THSD4: variants seen among roughly 807,000 people sequenced by gnomAD.
THSD4 encodes thrombospondin type-1 domain-containing protein 4.
A neutral mutation model predicts 119.0 loss-of-function variants in THSD4; 69 were observed. The observed-to-expected ratio is 0.58, with a 90% CI of 0.48 to 0.71. The LOEUF (loss-of-function observed/expected upper bound fraction) is 0.71. THSD4 is among the 30% of genes least tolerant of loss of function. The probability of loss-of-function intolerance (pLI) is 0.00; values close to 1 mark genes in which losing one functional copy is unlikely to be tolerated. For synonymous variants in THSD4, 524 were observed against 540.4 expected, an observed-to-expected ratio of 0.97 and a Z score of 0.42; for missense variants, 1,393 against 1,391.1, an observed-to-expected ratio of 1.00 and a Z score of -0.02.
chr15:71,190,881 G>A (rs1455078776), intron 3 of THSD4, among the ~76,000 whole-genome samples: 4 of 152,040 alleles, frequency 2.6e-5, no homozygotes, highest in African/African-American at 9.7e-5. Context: ...CCAACTCTCA[G>A]CCCCATGGTT....
At chr15:71,542,731 G>A (rs1413245512) in intron 7 of THSD4, among the ~76,000 whole-genome samples, 1 of 152,018 alleles carries the variant, frequency 6.6e-6, no homozygotes, top group African/African-American at 2.4e-5. Flanking sequence ...CAAAAGATTA[G>A]CTGGGTATGG....
chr15:71,374,762 G>A (rs1051598434), intron 6 of THSD4, among the ~76,000 whole-genome samples: 1 of 152,198 alleles, frequency 6.6e-6, no homozygotes. Flanking sequence ...CCCAATCTCT[G>A]TTTATAAATG....
In THSD4 at chr15:71,758,049, G is replaced by A; in HGVS notation, c.2563G>A (p.Glu855Lys). 6.3e-7 allele frequency: 1 copy of A among 1,597,666 alleles called. No homozygotes were observed. Among genetic ancestry groups the A allele is most frequent in the Non-Finnish European group, 8.5e-7 (1 of 1,171,620 alleles). ...CAACGGACCCTGCACGGGCAAGGTG[G>A]AGTGGTTTGCCGGGAGCTGGAGTCA... is the stretch of plus-strand genomic sequence containing the variant. ...CDNGPCTGKV[E>K]WFAGSWSQCS... The change falls in exon 15 of 18, where the codon GAG becomes AAG. Residue 855 changes from glutamate to lysine, a missense_variant. Transcript: ENST00000261862.
chr15:71,429,317 A>G (rs147271587), intron 7 of THSD4, among the ~76,000 whole-genome samples: 143 of 152,340 alleles, frequency 9.4e-4, no homozygotes, highest in African/African-American at 3.2e-3. Flanking sequence ...GGACTTGGAA[A>G]ATACACAGTG....
intron 3 of THSD4, among the ~76,000 whole-genome samples, chr15:71,207,189 C>A (rs562562586): frequency 1.3e-5 from 2 of 152,266 alleles, no homozygotes; most frequent in African/African-American, 4.8e-5. Context: ...ATGAAATAAA[C>A]CCCATCCACA....
At position 71,544,881 on chromosome 15, in the gene THSD4, C is replaced by G. The variant is rs144378429; in HGVS notation, c.1153-115649C>G. On this transcript the variant is annotated intron_variant, in intron 7 of 17. Transcript: ENST00000261862. ...AGAGTGGATGAACCTTGGGAACATG[C>G]TCTGTGAAATAAGTCAGACACAAAA... Among the ~76,000 whole-genome samples the G allele has an allele frequency of 2.6e-3, 398 of 152,264 alleles. 1 individual carries two copies. The highest frequency in any genetic ancestry group is 9.2e-3 in the African/African-American group (383 of 41,548).
chr15:71,744,997 T>C, intron 11 of THSD4, 109 bp from the exon 12 acceptor site: 1 of 1,421,506 alleles, frequency 7.0e-7, no homozygotes, highest in Middle Eastern at 2.6e-4. Context: ...TTGTCCTCAC[T>C]GTTTCTGTGC....
At chr15:71,502,146 A>G (rs1395542358) in intron 7 of THSD4, among the ~76,000 whole-genome samples, 1 of 152,258 alleles carries the variant, frequency 6.6e-6, no homozygotes, top group Non-Finnish European at 1.5e-5. Context: ...GCCCCATTGT[A>G]CAGGGATAAA....
At chr15:71,242,206 G>A (rs2044158939) in intron 4 of THSD4, among the ~76,000 whole-genome samples, 1 of 152,054 alleles carries the variant, frequency 6.6e-6, no homozygotes, top group Non-Finnish European at 1.5e-5. Flanking sequence ...ACAGTTAGTT[G>A]AAGGAGCAAA....
At chr15:71,220,211 AG>A (rs2043964689) in intron 4 of THSD4, among the ~76,000 whole-genome samples, 2 of 152,228 alleles carry the variant, frequency 1.3e-5, no homozygotes, top group Non-Finnish European at 2.9e-5. Context: ...ACCAGGGTTC[AG>A]GAAGAAGGAA....
intron 7 of THSD4, among the ~76,000 whole-genome samples, chr15:71,418,971 T>C (rs1370016039): frequency 9.2e-6 from 1 of 108,494 alleles, no homozygotes; most frequent in East Asian, 3.1e-4. Flanking sequence ...TAGTTGCTTA[T>C]AGTAGTCACT....
chr15:71,548,260 TCCCTCCTTA>T (rs948493546), intron 7 of THSD4, among the ~76,000 whole-genome samples: 3 of 152,120 alleles, frequency 2.0e-5, no homozygotes, highest in Admixed American at 1.3e-4. Context: ...TCCACTCCTT[TCCCTCCTTA>T]CCCTGATGCC....
chr15:71,379,450 C>CTTTTTTTT (rs34326932), intron 6 of THSD4, among the ~76,000 whole-genome samples: 9 of 77,590 alleles, frequency 1.2e-4, no homozygotes, highest in African/African-American at 1.9e-4. Context: ...CAAATGGCTT[C>CTTTTTTTT]TTTTTTTTTT....
chr15:71,630,329 T>C (rs1013370930), intron 7 of THSD4, among the ~76,000 whole-genome samples: 2 of 152,132 alleles, frequency 1.3e-5, no homozygotes, highest in African/African-American at 4.8e-5. Flanking sequence ...CTGCCTTTGA[T>C]CTTTAATTTG....
chr15:71,741,425 G>A (rs1336251919), intron 11 of THSD4, among the ~76,000 whole-genome samples: 7 of 152,136 alleles, frequency 4.6e-5, no homozygotes, highest in African/African-American at 1.7e-4. Context: ...CCCAGGAGGC[G>A]GAGGTTGCAA....
intron 6 of THSD4, among the ~76,000 whole-genome samples, chr15:71,379,524 T>C (rs950976572): frequency 2.9e-5 from 4 of 139,792 alleles, no homozygotes; most frequent in Non-Finnish European, 6.1e-5. Flanking sequence ...AGTGGTGCGA[T>C]CTCGGCTTAC....
At chr15:71,147,963 T>A (rs1351582197) in intron 2 of THSD4, among the ~76,000 whole-genome samples, 2 of 108,158 alleles carry the variant, frequency 1.8e-5, no homozygotes, top group Non-Finnish European at 3.4e-5. Flanking sequence ...AGCAAGACTC[T>A]GTCTCAAAAA....
chr15:71,139,173 C>T (rs1410040640), intron 1 of THSD4, among the ~76,000 whole-genome samples: 1 of 152,152 alleles, frequency 6.6e-6, no homozygotes, highest in Non-Finnish European at 1.5e-5. Context: ...CAGACCATCC[C>T]TCTACAGCGA....
intron 7 of THSD4, among the ~76,000 whole-genome samples, chr15:71,659,750 A>G (rs1202915913): frequency 6.6e-6 from 1 of 152,208 alleles, no homozygotes; most frequent in Non-Finnish European, 1.5e-5. Flanking sequence ...AATGGTCCCA[A>G]CGGAAACATG....
Sources: allele counts gnomAD v4.1 joint callset (sites outside exome capture counted in the v4.1 genomes callset), GRCh38; gene constraint gnomAD v4.1.1; transcripts MANE v1.5; gene names NCBI Gene and HGNC (gene_info 2026-07-23, HGNC 2026-07-21).